CTNNA3: variants seen among roughly 807,000 people sequenced by gnomAD.
CTNNA3 encodes the protein catenin alpha 3, also known as catenin alpha-3.
Under a neutral mutation model 95.7 loss-of-function variants are expected in CTNNA3, and 76 were observed. The ratio of observed to expected loss-of-function variants is 0.79; its 90% confidence interval spans 0.66 to 0.96. The LOEUF is 0.96. CTNNA3 is among the 40% of genes least tolerant of loss of function. The pLI is 0.00. For missense variants in CTNNA3, 1,191 were observed against 1,089.8 expected, an observed-to-expected ratio of 1.09 and a Z score of -1.31; for synonymous variants, 431 against 374.4, an observed-to-expected ratio of 1.15 and a Z score of -1.74.
At chr10:66,362,096 A>ATTTTTTTTTTTTTTT (rs569047811) in intron 12 of CTNNA3, among the ~76,000 whole-genome samples, 1 of 81,772 alleles carries the variant, frequency 1.2e-5, no homozygotes, top group Non-Finnish European at 2.4e-5. Flanking sequence ...TTCATACACA[A>ATTTTTTTTTTTTTTT]TTTTTTTTTT....
At chr10:66,382,276 C>T (rs538627044) in intron 11 of CTNNA3, among the ~76,000 whole-genome samples, 42 of 152,312 alleles carry the variant, frequency 2.8e-4, no homozygotes, top group African/African-American at 1.0e-3. Context: ...AAAGGTGATT[C>T]TCTCCCATGC....
In CTNNA3 at chr10:66,808,467, A is replaced by G. The variant is rs180816703; in HGVS notation, c.1048-32943T>C. 5.9e-5 allele frequency among the ~76,000 whole-genome samples: 9 copies of G among 152,162 alleles called. No homozygotes were observed. In the East Asian group the frequency reaches 1.7e-3, roughly 29 times the overall value. The stretch of plus-strand genomic sequence containing the variant: ...CTGATACACTGCTGGTGTAGATACA[A>G]AATGGTACATCTGTACCTTCGGGAG... On this transcript the variant is annotated intron_variant, in intron 7 of 17. Transcript: ENST00000433211.
At chr10:66,601,144 G>C (rs1374494819) in intron 10 of CTNNA3, among the ~76,000 whole-genome samples, 1 of 151,804 alleles carries the variant, frequency 6.6e-6, no homozygotes, top group Non-Finnish European at 1.5e-5. Context: ...TCAGATGCAT[G>C]AGAAGAGGTC....
At chr10:67,584,650 T>C (rs777687479) in intron 3 of CTNNA3, among the ~76,000 whole-genome samples, 5 of 152,222 alleles carry the variant, frequency 3.3e-5, no homozygotes, top group South Asian at 2.1e-4. Context: ...TGTTCAGCTA[T>C]GCCCTGCCCC....
At chr10:66,243,654 A>G (rs532670196) in intron 13 of CTNNA3, among the ~76,000 whole-genome samples, 6 of 152,268 alleles carry the variant, frequency 3.9e-5, no homozygotes, top group Admixed American at 1.3e-4. Flanking sequence ...TCTCCCTAAA[A>G]TGTATAAAAC....
intron 7 of CTNNA3, among the ~76,000 whole-genome samples, chr10:67,056,219 T>C (rs1016912499): frequency 3.3e-5 from 5 of 152,182 alleles, no homozygotes; most frequent in African/African-American, 1.2e-4. Context: ...ATGGTTGGTA[T>C]ACAAGTTCTA....
intron 5 of CTNNA3, among the ~76,000 whole-genome samples, chr10:67,245,636 G>A (rs1056464658): frequency 1.3e-5 from 2 of 152,080 alleles, no homozygotes; most frequent in Non-Finnish European, 2.9e-5. Context: ...GAGGCGGGCG[G>A]ATCACGAAGT....
chr10:66,602,633 A>G (rs1345216553), intron 10 of CTNNA3, among the ~76,000 whole-genome samples: 2 of 151,998 alleles, frequency 1.3e-5, no homozygotes, highest in African/African-American at 4.8e-5. Context: ...CACCAGAGAG[A>G]CTCAACAAAA....
chr10:66,724,396 C>A (rs1034709912), intron 9 of CTNNA3, among the ~76,000 whole-genome samples: 4 of 152,206 alleles, frequency 2.6e-5, no homozygotes, highest in Non-Finnish European at 5.9e-5. Context: ...TCTTTATGCC[C>A]ACAGGGAATA....
At chr10:66,659,497 T>C (rs1399460428) in intron 9 of CTNNA3, among the ~76,000 whole-genome samples, 1 of 152,166 alleles carries the variant, frequency 6.6e-6, no homozygotes, top group Non-Finnish European at 1.5e-5. Context: ...GAAAGACCTA[T>C]TGTGTACTTA....
chr10:66,716,315 T>C (rs532298431), intron 9 of CTNNA3, among the ~76,000 whole-genome samples: 5 of 152,260 alleles, frequency 3.3e-5, no homozygotes, highest in Admixed American at 1.3e-4. Flanking sequence ...AATGATTTGG[T>C]GCGTTCATTC....
intron 5 of CTNNA3, among the ~76,000 whole-genome samples, chr10:67,440,979 C>T (rs545173968): frequency 9.9e-5 from 15 of 151,662 alleles, no homozygotes; most frequent in South Asian, 4.2e-4. Flanking sequence ...CCAATACTGG[C>T]GACACAGAGA....
chr10:66,952,060 G>T (rs2132725020), intron 7 of CTNNA3, among the ~76,000 whole-genome samples: 1 of 152,224 alleles, frequency 6.6e-6, no homozygotes, highest in South Asian at 2.1e-4. Flanking sequence ...AGCCTAATAT[G>T]GGAAACAAGT....
intron 7 of CTNNA3, among the ~76,000 whole-genome samples, chr10:67,152,411 G>C (rs1219910570): frequency 1.3e-5 from 2 of 152,162 alleles, no homozygotes; most frequent in Non-Finnish European, 2.9e-5. Context: ...TAACACCATT[G>C]ATAGAAATCA....
intron 11 of CTNNA3, among the ~76,000 whole-genome samples, chr10:66,517,092 C>T (rs1840887801): frequency 6.6e-6 from 1 of 152,032 alleles, no homozygotes; most frequent in South Asian, 2.1e-4. Context: ...TGTGGTGGCA[C>T]ATGCCTGTAA....
intron 1 of CTNNA3, among the ~76,000 whole-genome samples, chr10:67,668,285 T>G (rs10823075): frequency 6.6e-6 from 1 of 152,090 alleles, no homozygotes; most frequent in African/African-American, 2.4e-5. Context: ...TTAGCAAAAA[T>G]GCCTCCATAC....
In CTNNA3 at chr10:67,647,422, A is replaced by T. The variant is rs745825183; in HGVS notation, c.92T>A (p.Ile31Lys). ...TTTCCATGGTATTAATACCTGGATTATGAGAGGCTCCAGTAGCTTCTCCAC... is the reference window on the plus strand; with the variant it reads ...TTTCCATGGTATTAATACCTGGATTTTGAGAGGCTCCAGTAGCTTCTCCAC... ...FTVEKLLEPL[I>K]IQVTTLVNCP... The change falls in exon 2 of 18, where the codon ATA becomes AAA. Residue 31 changes from isoleucine (I) to lysine (K), a missense_variant. Coordinates refer to ENST00000433211, the MANE Select transcript of CTNNA3 (RefSeq NM_013266.4). 1.4e-5 allele frequency: 22 copies of T among 1,611,058 alleles called. No individual in the cohort carries two copies. Among genetic ancestry groups the T allele is most frequent in the Non-Finnish European group, 1.6e-5 (19 of 1,177,682 alleles).
chr10:67,062,539 G>A (rs886604483), intron 7 of CTNNA3, among the ~76,000 whole-genome samples: 4 of 152,092 alleles, frequency 2.6e-5, no homozygotes, highest in South Asian at 2.1e-4. Flanking sequence ...GTGTGTCTGC[G>A]TGTAGATATG....
intron 9 of CTNNA3, among the ~76,000 whole-genome samples, chr10:66,624,054 T>A (rs768452044): frequency 1.3e-5 from 2 of 152,146 alleles, no homozygotes; most frequent in African/African-American, 2.4e-5. Flanking sequence ...ACATTTGATA[T>A]CCTTTGTGTA....
Sources: allele counts gnomAD v4.1 joint callset (sites outside exome capture counted in the v4.1 genomes callset), GRCh38; gene constraint gnomAD v4.1.1; transcripts MANE v1.5; gene names NCBI Gene and HGNC (gene_info 2026-07-23, HGNC 2026-07-21).